Variants in EPHA5 observed in about 807,000 individuals in gnomAD.
The protein encoded by EPHA5 is EPH receptor A5.
A neutral mutation model predicts 105.0 loss-of-function variants in EPHA5; 60 were observed. That is an observed-to-expected ratio of 0.57 (90% CI 0.46 to 0.71). The LOEUF (loss-of-function observed/expected upper bound fraction) is 0.71, where lower values mean the gene tolerates loss of function less well. EPHA5 is among the 30% of genes least tolerant of loss of function. The pLI is 0.00. For synonymous variants in EPHA5, 513 were observed against 449.1 expected, an observed-to-expected ratio of 1.14 and a Z score of -1.80; for missense variants, 1,218 against 1,274.7, an observed-to-expected ratio of 0.96 and a Z score of 0.68.
chr4:65,667,082 C>G (rs1750029206), intron 1 of EPHA5, among the ~76,000 whole-genome samples: 1 of 152,114 alleles, frequency 6.6e-6, no homozygotes, highest in African/African-American at 2.4e-5. Context: ...TCAGCATATA[C>G]ATGAAATCTT....
At chr4:65,424,115 A>C (rs1724196929) in intron 5 of EPHA5, among the ~76,000 whole-genome samples, 1 of 151,940 alleles carries the variant, frequency 6.6e-6, no homozygotes, top group South Asian at 2.1e-4. Flanking sequence ...GTTCCAGTAC[A>C]TATGTCTAGT....
At chr4:65,418,675 T>C (rs1256371469) in intron 6 of EPHA5, among the ~76,000 whole-genome samples, 1 of 152,090 alleles carries the variant, frequency 6.6e-6, no homozygotes, top group Non-Finnish European at 1.5e-5. Context: ...AAAATCAATA[T>C]ACGAACATTG....
intron 2 of EPHA5, among the ~76,000 whole-genome samples, chr4:65,624,565 T>C (rs1745973227): frequency 6.6e-6 from 1 of 152,222 alleles, no homozygotes; most frequent in Non-Finnish European, 1.5e-5. Context: ...GGGTACCAAC[T>C]ATTGAAAATC....
intron 8 of EPHA5, among the ~76,000 whole-genome samples, chr4:65,403,400 C>T (rs1366664890): frequency 6.6e-6 from 1 of 150,976 alleles, no homozygotes; most frequent in African/African-American, 2.4e-5. Flanking sequence ...TACATTTTCA[C>T]TTTTTTTTGC....
intron 2 of EPHA5, among the ~76,000 whole-genome samples, chr4:65,632,602 T>A (rs2149493612): frequency 6.6e-6 from 1 of 150,980 alleles, no homozygotes; most frequent in African/African-American, 2.4e-5. Flanking sequence ...AAGATTTAAA[T>A]ACCTGATTAT....
chr4:65,324,742 C>CTT (rs368440921), intron 16 of EPHA5, among the ~76,000 whole-genome samples: 44,918 of 130,906 alleles, frequency 0.34, 7,909 homozygotes, highest in Non-Finnish European at 0.43. Flanking sequence ...CAATGTTTTA[C>CTT]TTTTTTTTTT....
chr4:65,668,392 C>T (rs1750141368), intron 1 of EPHA5, among the ~76,000 whole-genome samples: 1 of 152,202 alleles, frequency 6.6e-6, no homozygotes. Flanking sequence ...GTCGCATCCA[C>T]AGCCCCAAAC....
At chr4:65,392,158 A>G (rs1269846260) in intron 8 of EPHA5, among the ~76,000 whole-genome samples, 1 of 152,124 alleles carries the variant, frequency 6.6e-6, no homozygotes, top group East Asian at 1.9e-4. Context: ...TTTGTCAGTT[A>G]TTAATAAATT....
chr4:65,549,557 T>A (rs935815024), intron 3 of EPHA5, among the ~76,000 whole-genome samples: 12 of 152,132 alleles, frequency 7.9e-5, no homozygotes, highest in African/African-American at 2.9e-4. Context: ...GTTGACTTTT[T>A]CTAGAAAGAG....
Position 65,397,886 on chromosome 4 carries a change from A to C in EPHA5, c.1793+6488T>G, listed in dbSNP as rs1721403978. ...CCCTATCCTAATGGCAGTTAGATGTACCTCTTCAGAGGGGGGACTGATGGC... is the reference window on the plus strand; with the variant it reads ...CCCTATCCTAATGGCAGTTAGATGTCCCTCTTCAGAGGGGGGACTGATGGC... On this transcript the variant is annotated intron_variant, in intron 8 of 16. Coordinates refer to ENST00000613740, the MANE Select transcript of EPHA5 (RefSeq NM_001281766.3). Among the ~76,000 whole-genome samples, 3 of 152,074 alleles carry C rather than the reference A, an allele frequency of 2.0e-5. No homozygotes were observed. The South Asian group carries it at 6.2e-4, about 31-fold the overall frequency.
chr4:65,580,329 A>C (rs1741491019), intron 3 of EPHA5, among the ~76,000 whole-genome samples: 1 of 151,910 alleles, frequency 6.6e-6, no homozygotes, highest in African/African-American at 2.4e-5. Flanking sequence ...TAACAGTACT[A>C]ATTAATGTGA....
At chr4:65,402,464 T>G (rs1265075356) in intron 8 of EPHA5, among the ~76,000 whole-genome samples, 1 of 152,198 alleles carries the variant, frequency 6.6e-6, no homozygotes, top group Non-Finnish European at 1.5e-5. Context: ...GAATCCATAG[T>G]AAAATGTCAC....
At chr4:65,497,998 G>A (rs1436250771) in intron 3 of EPHA5, among the ~76,000 whole-genome samples, 1 of 151,892 alleles carries the variant, frequency 6.6e-6, no homozygotes, top group Non-Finnish European at 1.5e-5. Context: ...AGCTATAGCA[G>A]TAAACATAGA....
intron 3 of EPHA5, among the ~76,000 whole-genome samples, chr4:65,598,709 G>A (rs1337135690): frequency 6.6e-6 from 1 of 152,148 alleles, no homozygotes; most frequent in African/African-American, 2.4e-5. Context: ...GGATATTGGA[G>A]CACAGATCTG....
intron 5 of EPHA5, among the ~76,000 whole-genome samples, chr4:65,476,004 C>G (rs1445901398): frequency 6.6e-6 from 1 of 151,632 alleles, no homozygotes; most frequent in Admixed American, 6.6e-5. Context: ...TCACCATTTC[C>G]CTAGAGAAAA....
chr4:65,583,283 C>G (rs1326973871), intron 3 of EPHA5, among the ~76,000 whole-genome samples: 2 of 151,418 alleles, frequency 1.3e-5, no homozygotes, highest in Non-Finnish European at 3.0e-5. Context: ...TTAAAGCTTT[C>G]TCTGTAACAT....
chr4:65,328,286 C>T (rs1279982165), intron 16 of EPHA5, among the ~76,000 whole-genome samples: 1 of 151,176 alleles, frequency 6.6e-6, no homozygotes, highest in Non-Finnish European at 1.5e-5. Context: ...TATGAACTGT[C>T]ATTGTTGGGT....
At chr4:65,644,172 C>T (rs1034782445) in intron 1 of EPHA5, among the ~76,000 whole-genome samples, 33 of 151,674 alleles carry the variant, frequency 2.2e-4, no homozygotes, top group African/African-American at 7.2e-4. Flanking sequence ...GTTTGAGTAC[C>T]GTCATTACAA....
intron 3 of EPHA5, among the ~76,000 whole-genome samples, chr4:65,591,909 C>A (rs976951893): frequency 6.6e-6 from 1 of 152,034 alleles, no homozygotes; most frequent in Non-Finnish European, 1.5e-5. Flanking sequence ...TGAAACGTAT[C>A]TTTTAAAAAC....
Sources: gnomAD v4.1 joint callset for allele counts (sites outside exome capture counted in the v4.1 genomes callset) on GRCh38, gnomAD v4.1.1 for gene constraint, MANE v1.5 for transcripts, NCBI Gene and HGNC (gene_info 2026-07-23, HGNC 2026-07-21) for gene names.